The following KHDRBS2 variants were observed in gnomAD, a reference collection of about 807,000 sequenced individuals.
KHDRBS2 encodes the protein KH RNA binding domain containing, signal transduction associated 2.
Under a neutral mutation model 44.3 loss-of-function variants are expected in KHDRBS2, and 26 were observed. The observed-to-expected ratio is 0.59, with a 90% CI of 0.43 to 0.81. KHDRBS2 has a LOEUF of 0.81. Among genes scored for constraint, KHDRBS2 ranks in the 40% least tolerant of loss-of-function variants. KHDRBS2 has a pLI of 0.00. For synonymous variants in KHDRBS2, 194 were observed against 151.1 expected (o/e 1.28, Z -2.08); for missense variants, 476 against 433.1 (o/e 1.10, Z -0.88).
intron 2 of KHDRBS2, among the ~76,000 whole-genome samples, chr6:62,169,974 A>G (rs895681181): frequency 6.6e-6 from 1 of 151,604 alleles, no homozygotes; most frequent in Non-Finnish European, 1.5e-5. Context: ...TAGCAGGTAC[A>G]GCCTTCTTAC....
chr6:62,237,900 G>C (rs1316813823), intron 1 of KHDRBS2, among the ~76,000 whole-genome samples: 2 of 152,018 alleles, frequency 1.3e-5, no homozygotes, highest in African/African-American at 4.8e-5. Context: ...TTAGCTGGGC[G>C]TGGTGGTGCA....
rs539400594 is a variant in KHDRBS2 at position 61,968,805 on chromosome 6, C to T, written c.483+9261G>A. 1.9e-4 allele frequency among the ~76,000 whole-genome samples: 29 copies of T among 152,024 alleles called. 1 individual carries two copies. The South Asian group carries it at 5.6e-3, about 29-fold the overall frequency. Reference sequence around the variant, plus strand: ...CAGGCCCTTTTTTGTTGCCTGACCTCGGGTAGTTTAAGTAACCATGCTGGC... The same window carrying T: ...CAGGCCCTTTTTTGTTGCCTGACCTTGGGTAGTTTAAGTAACCATGCTGGC... On this transcript the variant is annotated intron_variant, in intron 4 of 8. Coordinates refer to ENST00000281156, the MANE Select transcript of KHDRBS2 (RefSeq NM_152688.4).
At chr6:62,268,943 T>A (rs1364407975) in intron 1 of KHDRBS2, among the ~76,000 whole-genome samples, 1 of 152,128 alleles carries the variant, frequency 6.6e-6, no homozygotes, top group African/African-American at 2.4e-5. Flanking sequence ...TTTCATATAT[T>A]TAAACACAAA....
intron 2 of KHDRBS2, among the ~76,000 whole-genome samples, chr6:62,158,258 A>T (rs1366794154): frequency 6.6e-6 from 1 of 152,202 alleles, no homozygotes; most frequent in African/African-American, 2.4e-5. Flanking sequence ...TCATTAAATG[A>T]AAAAACAGAA....
chr6:62,071,515 G>T (rs1458833628), intron 2 of KHDRBS2, among the ~76,000 whole-genome samples: 1 of 152,100 alleles, frequency 6.6e-6, no homozygotes, highest in Non-Finnish European at 1.5e-5. Context: ...ATTAATTTTT[G>T]TACAACTTGT....
the KHDRBS2 span, among the ~76,000 whole-genome samples, chr6:61,619,285 AG>A: frequency 2.0e-5 from 3 of 151,820 alleles, no homozygotes; most frequent in Non-Finnish European, 1.5e-5. Context: ...GAGTCTCTAA[AG>A]TCCATTGTAT....
the KHDRBS2 span, among the ~76,000 whole-genome samples, chr6:61,568,277 G>A: frequency 1.2e-4 from 19 of 152,224 alleles, no homozygotes; most frequent in Non-Finnish European, 1.8e-4. Context: ...GTAAAGTGAT[G>A]CCTTCCACTT....
At chr6:62,086,602 C>T (rs866629946) in intron 2 of KHDRBS2, among the ~76,000 whole-genome samples, 6 of 152,088 alleles carry the variant, frequency 3.9e-5, no homozygotes, top group Admixed American at 6.6e-5. Flanking sequence ...TCCCCTTGAA[C>T]CACACAACAT....
chr6:61,682,204 TAATATAG>T (rs1766380678), intron 8 of KHDRBS2, among the ~76,000 whole-genome samples: 1 of 151,946 alleles, frequency 6.6e-6, no homozygotes, highest in Non-Finnish European at 1.5e-5. Flanking sequence ...GTACTCATTA[TAATATAG>T]AGCAAATGAA....
intron 1 of KHDRBS2, among the ~76,000 whole-genome samples, chr6:62,276,937 C>T (rs576476876): frequency 5.9e-5 from 9 of 152,186 alleles, no homozygotes; most frequent in Non-Finnish European, 1.3e-4. Context: ...TTATCTAAGC[C>T]TTAATTTGTT....
At chr6:61,583,481 A>C in the KHDRBS2 span, among the ~76,000 whole-genome samples, 1 of 151,744 alleles carries the variant, frequency 6.6e-6, no homozygotes, top group African/African-American at 2.4e-5. Context: ...AGAGATCTTT[A>C]TTTACCTCAA....
At chr6:61,934,757 C>A (rs1035073215) in intron 4 of KHDRBS2, among the ~76,000 whole-genome samples, 1 of 152,076 alleles carries the variant, frequency 6.6e-6, no homozygotes, top group African/African-American at 2.4e-5. Flanking sequence ...ATTGGGGTAA[C>A]AGGAACTTGC....
At chr6:61,669,739 T>C in the KHDRBS2 span, among the ~76,000 whole-genome samples, 6 of 151,026 alleles carry the variant, frequency 4.0e-5, no homozygotes, top group African/African-American at 1.5e-4. Flanking sequence ...GTACTATTAT[T>C]ATCACCATTT....
intron 5 of KHDRBS2, among the ~76,000 whole-genome samples, chr6:61,899,414 T>C (rs546152822): frequency 6.6e-6 from 1 of 152,086 alleles, no homozygotes; most frequent in South Asian, 2.1e-4. Flanking sequence ...TGAAATTTAA[T>C]TTTTAATGCT....
At chr6:61,551,660 AC>A in the KHDRBS2 span, among the ~76,000 whole-genome samples, 1 of 152,054 alleles carries the variant, frequency 6.6e-6, no homozygotes, top group Admixed American at 6.6e-5. Flanking sequence ...TTTGTTGAAG[AC>A]CAGATGGTTG....
chr6:61,748,937 C>G (rs866488024), intron 6 of KHDRBS2, among the ~76,000 whole-genome samples: 2 of 151,222 alleles, frequency 1.3e-5, no homozygotes, highest in South Asian at 2.1e-4. Flanking sequence ...GACCAAGGAA[C>G]TGAATTTTAA....
the KHDRBS2 span, among the ~76,000 whole-genome samples, chr6:61,562,358 G>C: frequency 6.6e-6 from 1 of 152,082 alleles, no homozygotes; most frequent in Non-Finnish European, 1.5e-5. Flanking sequence ...TGATCCTTTA[G>C]GGATCTTCTC....
intron 7 of KHDRBS2, among the ~76,000 whole-genome samples, chr6:61,715,197 A>G (rs1448947108): frequency 6.6e-6 from 1 of 151,944 alleles, no homozygotes; most frequent in African/African-American, 2.4e-5. Flanking sequence ...CAACGAACGC[A>G]TAGAAATGTT....
the KHDRBS2 span, among the ~76,000 whole-genome samples, chr6:61,669,171 C>A: frequency 1.3e-5 from 2 of 150,992 alleles, no homozygotes; most frequent in South Asian, 4.1e-4. Flanking sequence ...GAGCCAATAT[C>A]AACTTTATAC....
Sources: allele counts gnomAD v4.1 joint callset (sites outside exome capture counted in the v4.1 genomes callset), GRCh38; gene constraint gnomAD v4.1.1; transcripts MANE v1.5; gene names NCBI Gene and HGNC (gene_info 2026-07-23, HGNC 2026-07-21).